Variants in ADAMTS6 observed in about 807,000 individuals in gnomAD.
The protein encoded by ADAMTS6 is A disintegrin and metalloproteinase with thrombospondin motifs 6.
Under a neutral mutation model 144.3 loss-of-function variants are expected in ADAMTS6, and 23 were observed. That is an observed-to-expected ratio of 0.16 (90% CI 0.11 to 0.23). The LOEUF (loss-of-function observed/expected upper bound fraction) is 0.23, where lower values mean the gene tolerates loss of function less well. Ranked by LOEUF, ADAMTS6 falls within the 10% of genes least tolerant of loss-of-function variation. The pLI, the probability that ADAMTS6 is intolerant of heterozygous loss-of-function variation, is 1.00. For missense variants in ADAMTS6, 999 were observed against 1,379.6 expected (o/e 0.72, Z 4.37); for synonymous variants, 444 against 457.5 (o/e 0.97, Z 0.38).
rs1229131106 is a variant in ADAMTS6 at position 65,387,997 on chromosome 5, G to C, written c.1074-53912C>G. ...AGGCCAAGGCGGGCCTATCACCTGA[G>C]GTCAGGAATTCAAGACCAGCCTGGC... is the stretch of plus-strand genomic sequence containing the variant. On this transcript the variant is annotated intron_variant, in intron 7 of 24. Transcript: ENST00000381055. Among the ~76,000 whole-genome samples the C allele has an allele frequency of 2.7e-5, 4 of 150,810 alleles. No individual in the cohort carries two copies. In the East Asian group the frequency reaches 7.9e-4, roughly 30 times the overall value.
chr5:65,245,735 T>C (rs544237770), intron 14 of ADAMTS6, among the ~76,000 whole-genome samples: 58 of 152,262 alleles, frequency 3.8e-4, no homozygotes, highest in Admixed American at 5.9e-4. Context: ...ATAGTAAATA[T>C]TTTAGGCTTT....
chr5:65,364,229 A>T (rs1750088902), intron 7 of ADAMTS6, among the ~76,000 whole-genome samples: 1 of 152,172 alleles, frequency 6.6e-6, no homozygotes, highest in Non-Finnish European at 1.5e-5. Flanking sequence ...TACAAGGACT[A>T]TTTTTCCCTG....
intron 8 of ADAMTS6, among the ~76,000 whole-genome samples, chr5:65,331,081 T>A (rs1387797495): frequency 6.6e-6 from 1 of 152,068 alleles, no homozygotes; most frequent in South Asian, 2.1e-4. Flanking sequence ...AATATTTTTT[T>A]AAAAATTGCA....
At chr5:65,435,127 G>T (rs1349439103) in intron 7 of ADAMTS6, among the ~76,000 whole-genome samples, 1 of 152,058 alleles carries the variant, frequency 6.6e-6, no homozygotes, top group Non-Finnish European at 1.5e-5. Flanking sequence ...TTTTTAGATA[G>T]TATAATTAAA....
Position 65,240,906 on chromosome 5 carries a change from A to C in ADAMTS6, c.1933+1198T>G, listed in dbSNP as rs144231832. Among the ~76,000 whole-genome samples the C allele has an allele frequency of 4.3e-4, 66 of 152,364 alleles. 1 individual carries two copies. In the East Asian group the frequency reaches 0.012, roughly 27 times the overall value. On this transcript the variant is annotated intron_variant, in intron 15 of 24. Coordinates refer to ENST00000381055, the MANE Select transcript of ADAMTS6 (RefSeq NM_197941.4). Reference sequence around the variant, plus strand: ...ATTGGTCAAAAACCAGAGAAAGCATAGTTAAAATTTTGCATGTCACTGTAC... The same window carrying C: ...ATTGGTCAAAAACCAGAGAAAGCATCGTTAAAATTTTGCATGTCACTGTAC...
intron 7 of ADAMTS6, among the ~76,000 whole-genome samples, chr5:65,424,043 G>C (rs1756298749): frequency 6.6e-6 from 1 of 151,908 alleles, no homozygotes; most frequent in Admixed American, 6.6e-5. Context: ...CACTAAGAAT[G>C]ACCTCATCAC....
At chr5:65,255,535 G>C (rs185239356) in intron 14 of ADAMTS6, among the ~76,000 whole-genome samples, 1 of 152,164 alleles carries the variant, frequency 6.6e-6, no homozygotes, top group Non-Finnish European at 1.5e-5. Context: ...TTGCTGAGGA[G>C]CAGGGGAGGA....
intron 15 of ADAMTS6, among the ~76,000 whole-genome samples, chr5:65,226,642 A>G (rs556301498): frequency 1.8e-4 from 27 of 152,154 alleles, no homozygotes; most frequent in Admixed American, 3.3e-4. Flanking sequence ...CTGGAGTGCA[A>G]TGGTGCCATG....
chr5:65,392,622 T>A (rs567978437), intron 7 of ADAMTS6, among the ~76,000 whole-genome samples: 28 of 152,306 alleles, frequency 1.8e-4, no homozygotes, highest in Non-Finnish European at 3.1e-4. Flanking sequence ...TTGTTTTATT[T>A]AGCACTGACC....
intron 7 of ADAMTS6, among the ~76,000 whole-genome samples, chr5:65,358,004 A>C (rs576732039): frequency 6.6e-6 from 1 of 152,128 alleles, no homozygotes; most frequent in African/African-American, 2.4e-5. Flanking sequence ...ATGGTACCAA[A>C]GCCAGGGAAG....
At chr5:65,290,565 G>GA (rs947479184) in intron 11 of ADAMTS6, among the ~76,000 whole-genome samples, 12 of 150,054 alleles carry the variant, frequency 8.0e-5, no homozygotes, top group Non-Finnish European at 7.4e-5. Flanking sequence ...AAAAGAAAAA[G>GA]AAAAAAAAAT....
At chr5:65,437,471 A>G (rs927445885) in intron 7 of ADAMTS6, among the ~76,000 whole-genome samples, 4 of 151,898 alleles carry the variant, frequency 2.6e-5, no homozygotes, top group Non-Finnish European at 5.9e-5. Context: ...GGAAAGACTC[A>G]CCCCCATGAT....
intron 14 of ADAMTS6, among the ~76,000 whole-genome samples, chr5:65,244,236 T>C (rs1759442707): frequency 6.6e-6 from 1 of 151,982 alleles, no homozygotes; most frequent in Admixed American, 6.6e-5. Flanking sequence ...ATATTGGGAA[T>C]GGTTGGAAAA....
chr5:65,295,220 G>A (rs75403675), intron 10 of ADAMTS6, among the ~76,000 whole-genome samples: 2,371 of 151,910 alleles, frequency 0.016, 56 homozygotes, highest in African/African-American at 0.055. Flanking sequence ...CTATTAGGTC[G>A]GTGCAAAAGT....
chr5:65,325,935 A>G (rs1425863094), intron 9 of ADAMTS6, among the ~76,000 whole-genome samples: 1 of 152,202 alleles, frequency 6.6e-6, no homozygotes, highest in Non-Finnish European at 1.5e-5. Flanking sequence ...ATACAATAGT[A>G]GAAACAGTGG....
At chr5:65,223,182 CT>C (rs1187642564) in intron 18 of ADAMTS6, among the ~76,000 whole-genome samples, 4 of 151,826 alleles carry the variant, frequency 2.6e-5, no homozygotes, top group African/African-American at 4.8e-5. Flanking sequence ...TTCATACTTT[CT>C]TTTTTTTCCA....
At chr5:65,168,863 A>T (rs1277815068) in intron 24 of ADAMTS6, among the ~76,000 whole-genome samples, 19 of 147,996 alleles carry the variant, frequency 1.3e-4, no homozygotes, top group African/African-American at 4.7e-4. Flanking sequence ...TCCCTTCCTT[A>T]CATCTTATAC....
At chr5:65,179,601 A>T (rs865904690) in intron 22 of ADAMTS6, among the ~76,000 whole-genome samples, 1 of 152,292 alleles carries the variant, frequency 6.6e-6, no homozygotes, top group Middle Eastern at 3.4e-3. Flanking sequence ...ATGAATTAGG[A>T]CTGTGTGGAA....
At chr5:65,202,437 C>T (rs1029452344) in intron 20 of ADAMTS6, among the ~76,000 whole-genome samples, 3 of 152,046 alleles carry the variant, frequency 2.0e-5, no homozygotes, top group Non-Finnish European at 4.4e-5. Flanking sequence ...AAGTTTTTAA[C>T]TAATTTAGTT....
Sources: allele counts gnomAD v4.1 joint callset (sites outside exome capture counted in the v4.1 genomes callset), GRCh38; gene constraint gnomAD v4.1.1; transcripts MANE v1.5; gene names NCBI Gene and HGNC (gene_info 2026-07-23, HGNC 2026-07-21).